Variants in PCDH7 observed in about 807,000 individuals in gnomAD.
The protein encoded by PCDH7 is protocadherin 7.
A neutral mutation model predicts 58.9 loss-of-function variants in PCDH7; 17 were observed. That is an observed-to-expected ratio of 0.29 (90% CI 0.20 to 0.43). The LOEUF is 0.43. Among genes scored for constraint, PCDH7 ranks in the 20% least tolerant of loss-of-function variants. The pLI, the probability that PCDH7 is intolerant of heterozygous loss-of-function variation, is 1.00. For synonymous variants in PCDH7, 664 were observed against 616.4 expected, an observed-to-expected ratio of 1.08 and a Z score of -1.14; for missense variants, 1,274 against 1,441.0, an observed-to-expected ratio of 0.88 and a Z score of 1.88.
chr4:30,904,142 A>G (rs1401838448), intron 1 of PCDH7, among the ~76,000 whole-genome samples: 1 of 152,192 alleles, frequency 6.6e-6, no homozygotes, highest in African/African-American at 2.4e-5. Flanking sequence ...CATAACCAGG[A>G]TCTACAACCT....
chr4:30,736,578 G>A (rs13143986), downstream of PCDH7, among the ~76,000 whole-genome samples: 2 of 146,822 alleles, frequency 1.4e-5, no homozygotes, highest in African/African-American at 2.5e-5. Context: ...CTCTGCCGCC[G>A]GGGCTGGAGT....
At chr4:30,920,123 T>C (rs1457104822) in intron 1 of PCDH7, 30 bp from the exon 2 acceptor site, 3 of 1,350,342 alleles carry the variant, frequency 2.2e-6, no homozygotes, top group Non-Finnish European at 3.0e-6. Flanking sequence ...TCTTACATCG[T>C]AGTGACATTC....
rs566693715 is a variant in PCDH7, at chr4:31,004,985, C to G, written c.*7+54770C>G. On this transcript the variant is annotated intron_variant, in intron 3 of 3. Coordinates refer to the PCDH7 transcript ENST00000509759. ...GAAAAAAACAAAATAAAGCCAAAGTCCCTCAAATCTTTATTGGTGAATTTA... is the reference window on the plus strand; with the variant it reads ...GAAAAAAACAAAATAAAGCCAAAGTGCCTCAAATCTTTATTGGTGAATTTA... 3.3e-5 allele frequency among the ~76,000 whole-genome samples: 5 copies of G among 152,154 alleles called. No individual in the cohort carries two copies. The South Asian group carries it at 1.0e-3, about 32-fold the overall frequency.
chr4:31,074,241 C>G (rs1274505264), intron 3 of PCDH7, among the ~76,000 whole-genome samples: 1 of 150,858 alleles, frequency 6.6e-6, no homozygotes, highest in Non-Finnish European at 1.5e-5. Context: ...ATCTCACATC[C>G]CCACCACATA....
intron 3 of PCDH7, among the ~76,000 whole-genome samples, chr4:30,954,693 C>T (rs1747676874): frequency 6.6e-6 from 1 of 152,150 alleles, no homozygotes. Context: ...GGATTAATCA[C>T]TTAACCTCTC....
At chr4:30,840,538 G>A (rs977442130) in intron 1 of PCDH7, among the ~76,000 whole-genome samples, 5 of 151,878 alleles carry the variant, frequency 3.3e-5, no homozygotes, top group African/African-American at 7.3e-5. Flanking sequence ...AAAACATAAA[G>A]CATTTTTATG....
intron 3 of PCDH7, among the ~76,000 whole-genome samples, chr4:30,954,092 G>A (rs1399335916): frequency 6.6e-6 from 1 of 152,096 alleles, no homozygotes; most frequent in Non-Finnish European, 1.5e-5. Flanking sequence ...TGTTACAAAT[G>A]CCAAATTGCT....
At chr4:30,808,318 A>G (rs1553890992) in intron 1 of PCDH7, among the ~76,000 whole-genome samples, 1 of 152,194 alleles carries the variant, frequency 6.6e-6, no homozygotes, top group Non-Finnish European at 1.5e-5. Context: ...AATAACAACT[A>G]TTTTTTAGCT....
intron 1 of PCDH7, among the ~76,000 whole-genome samples, chr4:30,805,261 C>T (rs1203607642): frequency 6.6e-6 from 1 of 152,122 alleles, no homozygotes; most frequent in Non-Finnish European, 1.5e-5. Context: ...AAGTACTTAC[C>T]TGTCTTTCCT....
chr4:31,123,700 A>G (rs977521907), intron 3 of PCDH7, among the ~76,000 whole-genome samples: 13 of 152,166 alleles, frequency 8.5e-5, no homozygotes, highest in Non-Finnish European at 1.9e-4. Flanking sequence ...TCCCACACCC[A>G]GTGCACCCAT....
In PCDH7 at chr4:31,025,334, T is replaced by C. The variant is rs187692860; in HGVS notation, c.*7+75119T>C. 1.2e-3 allele frequency among the ~76,000 whole-genome samples: 181 copies of C among 152,340 alleles called. 1 individual carries two copies. The highest frequency in any genetic ancestry group is 3.1e-3 in the Admixed American group (47 of 15,304). On this transcript the variant is annotated intron_variant, in intron 3 of 3. Transcript: ENST00000509759. Reference sequence around the variant, plus strand: ...AAAAGCTAAATGAAATGGCTGTTAGTATACAAACAGCATTAGGAGAGTGAC... The same window carrying C: ...AAAAGCTAAATGAAATGGCTGTTAGCATACAAACAGCATTAGGAGAGTGAC...
chr4:30,951,906 T>A (rs1747407666), intron 3 of PCDH7, among the ~76,000 whole-genome samples: 1 of 152,140 alleles, frequency 6.6e-6, no homozygotes, highest in East Asian at 1.9e-4. Context: ...TTCCACCTTA[T>A]GTTTTATGAG....
chr4:30,979,315 A>G (rs1750349770), intron 3 of PCDH7, among the ~76,000 whole-genome samples: 1 of 148,116 alleles, frequency 6.8e-6, no homozygotes, highest in Non-Finnish European at 1.5e-5. Context: ...CAGAGAGTGA[A>G]ACTCTGTCTC....
At chr4:30,759,429 A>T (rs536986328) in intron 1 of PCDH7, among the ~76,000 whole-genome samples, 55 of 152,312 alleles carry the variant, frequency 3.6e-4, no homozygotes, top group African/African-American at 1.3e-3. Flanking sequence ...GGCTTTCAGG[A>T]AATTCTGGGA....
At chr4:31,086,541 A>G (rs530058544) in intron 3 of PCDH7, among the ~76,000 whole-genome samples, 1 of 152,248 alleles carries the variant, frequency 6.6e-6, no homozygotes, top group African/African-American at 2.4e-5. Flanking sequence ...CTTATATAAG[A>G]TTTGAGGACA....
intron 3 of PCDH7, among the ~76,000 whole-genome samples, chr4:30,954,594 A>G (rs1176249550): frequency 6.6e-6 from 1 of 152,124 alleles, no homozygotes; most frequent in Non-Finnish European, 1.5e-5. Context: ...ACTGCTGTTG[A>G]AGGGGTATGC....
chr4:30,960,304 C>T (rs574730003), intron 3 of PCDH7, among the ~76,000 whole-genome samples: 13 of 152,166 alleles, frequency 8.5e-5, no homozygotes, highest in African/African-American at 2.4e-4. Flanking sequence ...ATTATCTCTT[C>T]GAGACATGCT....
intron 1 of PCDH7, among the ~76,000 whole-genome samples, chr4:30,820,255 T>C (rs1728217733): frequency 6.6e-6 from 1 of 152,190 alleles, no homozygotes; most frequent in South Asian, 2.1e-4. Flanking sequence ...AGTCCTTGTC[T>C]AAAAAGCCCC....
Position 30,722,892 on chromosome 4 carries a change from G to T in PCDH7, c.1470G>T (p.Ser490=), listed in dbSNP as rs549551849. ...AGAAAAAGTACTTCTTGCACACCTCGACCCCTCTGGACTATGAGGCCACCC... is the reference window on the plus strand; with the variant it reads ...AGAAAAAGTACTTCTTGCACACCTCTACCCCTCTGGACTATGAGGCCACCC... The change falls in exon 1 of 2, where the codon TCG becomes TCT. Residue 490 remains serine, a synonymous_variant. Coordinates refer to ENST00000361762, the Ensembl canonical transcript of PCDH7. This position sits in a 1 kb window ranked among gnomAD's most constrained non-coding sequence, Gnocchi z 7.6. 8 of 1,613,668 alleles carry T rather than the reference G, an allele frequency of 5.0e-6. No individual in the cohort carries two copies. The highest frequency in any genetic ancestry group is 4.2e-6 in the Non-Finnish European group (5 of 1,180,022).
Sources: allele counts gnomAD v4.1 joint callset (sites outside exome capture counted in the v4.1 genomes callset), GRCh38; gene constraint gnomAD v4.1.1; non-coding constraint Gnocchi (gnomAD v3.1); transcripts MANE v1.5; gene names NCBI Gene and HGNC (gene_info 2026-07-23, HGNC 2026-07-21).